Variants in UGGT2 observed in about 807,000 individuals in gnomAD.
UGGT2 encodes the protein UDP-glucose:glycoprotein glucosyltransferase 2.
Under a neutral mutation model 192.1 loss-of-function variants are expected in UGGT2, and 180 were observed. That is an observed-to-expected ratio of 0.94 (90% CI 0.83 to 1.06). UGGT2 has a LOEUF of 1.06. Ranked by LOEUF, UGGT2 falls within the 50% of genes least tolerant of loss-of-function variation. The pLI, the probability that UGGT2 is intolerant of heterozygous loss-of-function variation, is 0.00. For synonymous variants in UGGT2, 580 were observed against 591.0 expected (o/e 0.98, Z 0.27); for missense variants, 1,849 against 1,795.7 (o/e 1.03, Z -0.54).
At chr13:96,018,739 GAA>G (rs35069819) in intron 4 of UGGT2, among the ~76,000 whole-genome samples, 1 of 141,368 alleles carries the variant, frequency 7.1e-6, no homozygotes, top group Non-Finnish European at 1.5e-5. Context: ...TGTTATAATT[GAA>G]AAAAAAAACA....
At chr13:96,022,728 G>A (rs545231577) in intron 4 of UGGT2, among the ~76,000 whole-genome samples, 1 of 151,704 alleles carries the variant, frequency 6.6e-6, no homozygotes, top group South Asian at 2.1e-4. Context: ...TTATTCCCCA[G>A]GTATATATTC....
chr13:95,817,906 C>T (rs1178025875), intron 38 of UGGT2, among the ~76,000 whole-genome samples: 1 of 151,962 alleles, frequency 6.6e-6, no homozygotes, highest in African/African-American at 2.4e-5. Flanking sequence ...AAAATGAAAA[C>T]AACAACTTCT....
intron 6 of UGGT2, among the ~76,000 whole-genome samples, chr13:95,998,616 A>G (rs779729191): frequency 1.5e-4 from 23 of 152,162 alleles, no homozygotes; most frequent in African/African-American, 4.1e-4. Context: ...AAAGACTTCC[A>G]TAAGTGTTCT....
chr13:95,997,443 T>G (rs943349743), intron 6 of UGGT2, among the ~76,000 whole-genome samples: 3 of 151,896 alleles, frequency 2.0e-5, no homozygotes, highest in Non-Finnish European at 4.4e-5. Flanking sequence ...GTCAGTTCAA[T>G]ACCAGCCTGG....
chr13:95,945,521 T>A (rs961792238), intron 15 of UGGT2, among the ~76,000 whole-genome samples: 2 of 152,234 alleles, frequency 1.3e-5, no homozygotes, highest in Admixed American at 6.5e-5. Context: ...CTGAACACTG[T>A]AGATTAATGC....
intron 17 of UGGT2, among the ~76,000 whole-genome samples, chr13:95,928,233 G>A (rs1311417135): frequency 3.3e-5 from 5 of 151,744 alleles, no homozygotes; most frequent in Admixed American, 6.5e-5. Context: ...CCTCCCGGAC[G>A]GGGCAGCTGG....
rs778862670 is a variant in UGGT2 at position 95,939,886 on chromosome 13, T to C, written c.1812+71A>G. The stretch of plus-strand genomic sequence containing the variant: ...TCTGACTTTTTTTAAAGATTCTACA[T>C]GAGTAGAGATCATGTGGTGTTTGTC... On this transcript the variant is annotated intron_variant, in intron 16 of 38. Coordinates refer to ENST00000376747, the MANE Select transcript of UGGT2 (RefSeq NM_020121.4). 8.0e-6 allele frequency: 10 copies of C among 1,256,886 alleles called. No homozygotes were observed. The East Asian group carries it at 1.9e-4, about 24-fold the overall frequency. 77.9% of individuals were successfully genotyped at this position (1,256,886 alleles called of 1,614,324 possible).
Position 95,838,001 on chromosome 13 carries a change from G to A in UGGT2, c.4285-799C>T, listed in dbSNP as rs187466667. 3.2e-3 allele frequency among the ~76,000 whole-genome samples: 480 copies of A among 152,128 alleles called. 3 individuals carry two copies. Among genetic ancestry groups the A allele is most frequent in the African/African-American group, 0.011 (458 of 41,512 alleles). On this transcript the variant is annotated intron_variant, in intron 36 of 38. Transcript: ENST00000376747. Reference sequence around the variant, plus strand: ...GAAAAGGAAAATGTATATAGATTGGGAAGGGAAAAAAACCTGTCACTGTTT... The same window carrying A: ...GAAAAGGAAAATGTATATAGATTGGAAAGGGAAAAAAACCTGTCACTGTTT...
At chr13:96,023,504 G>C in intron 3 of UGGT2, 125 bp downstream of exon 3, 1 of 905,972 alleles carries the variant, frequency 1.1e-6, no homozygotes, top group Non-Finnish European at 1.5e-6. Flanking sequence ...TATAATCAAT[G>C]ATAGGCTATG....
intron 1 of UGGT2, among the ~76,000 whole-genome samples, chr13:96,049,011 C>G (rs1442903024): frequency 6.6e-6 from 1 of 152,154 alleles, no homozygotes; most frequent in Non-Finnish European, 1.5e-5. Context: ...ATACCAAAGC[C>G]TGGCAGAGAC....
intron 20 of UGGT2, among the ~76,000 whole-genome samples, chr13:95,924,016 T>C (rs2048933329): frequency 6.6e-6 from 1 of 152,212 alleles, no homozygotes; most frequent in Non-Finnish European, 1.5e-5. Flanking sequence ...ACAATGATTA[T>C]CTTTTTTCAA....
intron 36 of UGGT2, among the ~76,000 whole-genome samples, chr13:95,850,587 CTG>C (rs1449979084): frequency 3.3e-5 from 5 of 152,206 alleles, no homozygotes; most frequent in Admixed American, 2.6e-4. Context: ...GAGATGGAGA[CTG>C]TGTACGGGCC....
chr13:95,932,123 A>G (rs1366666376), intron 17 of UGGT2, among the ~76,000 whole-genome samples: 1 of 152,220 alleles, frequency 6.6e-6, no homozygotes, highest in East Asian at 1.9e-4. Flanking sequence ...TTTGATATGA[A>G]TAGCATTAAA....
At chr13:95,893,932 A>G (rs528043136) in intron 24 of UGGT2, among the ~76,000 whole-genome samples, 1 of 152,316 alleles carries the variant, frequency 6.6e-6, no homozygotes, top group African/African-American at 2.4e-5. Context: ...TAATGTGTCA[A>G]CTTGACCAGG....
In UGGT2 at chr13:95,986,388, A is replaced by G. The variant is rs778381251; in HGVS notation, c.976T>C (p.Tyr326His). 1.9e-6 allele frequency: 3 copies of G among 1,603,314 alleles called. No individual in the cohort carries two copies. Among genetic ancestry groups the G allele is most frequent in the African/African-American group, 1.3e-5 (1 of 74,658 alleles). ...TCTTTCATTAATTTAATGGAATCAT[A>G]AACTGGAGCGGACATTATTTGAGAA... ...AASQIMSAPV[Y>H]DSIKLMKDIS... The change falls in exon 9 of 39, where the codon TAT (tyrosine) becomes CAT (histidine). Residue 326 changes from tyrosine (Y) to histidine (H), a missense_variant. Coordinates refer to ENST00000376747, the MANE Select transcript of UGGT2 (RefSeq NM_020121.4).
intron 37 of UGGT2, among the ~76,000 whole-genome samples, chr13:95,834,402 T>C (rs1202671087): frequency 6.6e-6 from 1 of 151,970 alleles, no homozygotes; most frequent in Non-Finnish European, 1.5e-5. Flanking sequence ...TGCTGCTGAA[T>C]ACCCAACAAT....
At chr13:96,002,507 A>G (rs1034568167) in intron 5 of UGGT2, among the ~76,000 whole-genome samples, 2 of 152,340 alleles carry the variant, frequency 1.3e-5, no homozygotes, top group African/African-American at 2.4e-5. Flanking sequence ...TGCCTGGCAC[A>G]GAGGCATCCA....
intron 17 of UGGT2, among the ~76,000 whole-genome samples, chr13:95,930,142 C>T (rs2049196589): frequency 6.6e-6 from 1 of 152,038 alleles, no homozygotes; most frequent in Admixed American, 6.6e-5. Context: ...TTATTCTTTG[C>T]TTGATTTATT....
chr13:95,934,858 T>G (rs1274115487), intron 17 of UGGT2, among the ~76,000 whole-genome samples: 2 of 152,192 alleles, frequency 1.3e-5, no homozygotes, highest in Non-Finnish European at 2.9e-5. Flanking sequence ...TAACAGTGGG[T>G]GAGTTGAAGT....
Sources: gnomAD v4.1 joint callset for allele counts (sites outside exome capture counted in the v4.1 genomes callset) on GRCh38, gnomAD v4.1.1 for gene constraint, MANE v1.5 for transcripts, NCBI Gene and HGNC (gene_info 2026-07-23, HGNC 2026-07-21) for gene names.